CACNA2D2: variants seen among roughly 807,000 people sequenced by gnomAD.
The protein encoded by CACNA2D2 is calcium voltage-gated channel auxiliary subunit alpha2delta 2, also known as voltage-dependent calcium channel subunit alpha-2/delta-2.
A neutral mutation model predicts 166.4 loss-of-function variants in CACNA2D2; 48 were observed. The observed-to-expected ratio is 0.29, with a 90% CI of 0.23 to 0.37. CACNA2D2 has a LOEUF of 0.37. Among genes scored for constraint, CACNA2D2 ranks in the 10% least tolerant of loss-of-function variants. The pLI, the probability that CACNA2D2 is intolerant of heterozygous loss-of-function variation, is 1.00. For missense variants in CACNA2D2, 1,122 were observed against 1,433.0 expected (o/e 0.78, Z 3.50); for synonymous variants, 561 against 573.7 (o/e 0.98, Z 0.32).
chr3:50,373,752 CAG>C (rs1034488172), intron 22 of CACNA2D2, among the ~76,000 whole-genome samples: 2 of 128,962 alleles, frequency 1.6e-5, no homozygotes, highest in Non-Finnish European at 3.3e-5. Flanking sequence ...GAAGAGAGGA[CAG>C]TGCGTAAGGG....
intron 2 of CACNA2D2, among the ~76,000 whole-genome samples, chr3:50,454,435 C>A (rs1248490551): frequency 6.6e-6 from 1 of 152,188 alleles, no homozygotes; most frequent in Non-Finnish European, 1.5e-5. Context: ...CCACCCCCAA[C>A]CTGGCCTCCA....
At chr3:50,384,844 C>G (rs985975454) in intron 5 of CACNA2D2, among the ~76,000 whole-genome samples, 1 of 152,232 alleles carries the variant, frequency 6.6e-6, no homozygotes, top group African/African-American at 2.4e-5. Flanking sequence ...CTAGCCCCAT[C>G]TAAGGCAGGG....
chr3:50,381,257 A>G, intron 6 of CACNA2D2, 131 bp from the exon 7 acceptor site: 2 of 1,051,572 alleles, frequency 1.9e-6, no homozygotes, highest in South Asian at 1.5e-5. Context: ...GGCCCTCCCT[A>G]TTTCCTAGGG....
chr3:50,371,299 T>C (rs1293879691), intron 22 of CACNA2D2, among the ~76,000 whole-genome samples: 1 of 152,136 alleles, frequency 6.6e-6, no homozygotes, highest in African/African-American at 2.4e-5. Flanking sequence ...CAGTTGGGCC[T>C]GTGCCCTGGG....
At chr3:50,385,287 C>T (rs2236952) in intron 5 of CACNA2D2, among the ~76,000 whole-genome samples, 4 of 152,004 alleles carry the variant, frequency 2.6e-5, no homozygotes, top group Admixed American at 6.5e-5. Flanking sequence ...GAGCAAAGCT[C>T]GGGGGCTTCC....
rs150158270 is a variant in CACNA2D2 at position 50,410,045 on chromosome 3, G to A, written c.406-15877C>T. On this transcript the variant is annotated intron_variant, in intron 3 of 37. Coordinates refer to ENST00000424201, the MANE Select transcript of CACNA2D2 (RefSeq NM_006030.4). Reference sequence around the variant, plus strand: ...TATACACTCCCCAAGGCCACCCAGCGAGCTCTGGCCCCCAAGAACCCTCTT... The same window carrying A: ...TATACACTCCCCAAGGCCACCCAGCAAGCTCTGGCCCCCAAGAACCCTCTT... Among the ~76,000 whole-genome samples the A allele has an allele frequency of 5.5e-3, 840 of 152,284 alleles. 9 individuals are homozygous for A. The highest frequency in any genetic ancestry group is 0.041 in the South Asian group (196 of 4,818).
At chr3:50,429,863 A>AC (rs953093311) in intron 3 of CACNA2D2, among the ~76,000 whole-genome samples, 38 of 151,710 alleles carry the variant, frequency 2.5e-4, no homozygotes, top group African/African-American at 8.2e-4. Context: ...ACCCCTGCTG[A>AC]CCCCCCGAGA....
chr3:50,472,738 A>G (rs891435905), intron 2 of CACNA2D2, among the ~76,000 whole-genome samples: 1 of 152,058 alleles, frequency 6.6e-6, no homozygotes, highest in African/African-American at 2.4e-5. Flanking sequence ...CAGAGAGGGG[A>G]GACCTGTCCC....
chr3:50,381,274 T>TGG, intron 6 of CACNA2D2, 148 bp from the exon 7 acceptor site: 1 of 860,550 alleles, frequency 1.2e-6, no homozygotes, highest in Non-Finnish European at 1.8e-6. Context: ...AGGGCCCAGC[T>TGG]GGGGCTGCCC....
chr3:50,468,003 G>A (rs1042517495), intron 2 of CACNA2D2, among the ~76,000 whole-genome samples: 2 of 152,156 alleles, frequency 1.3e-5, no homozygotes, highest in Non-Finnish European at 2.9e-5. Flanking sequence ...CTCTGCCTCC[G>A]CCAAGTGCTT....
In CACNA2D2 at chr3:50,365,067, C is replaced by G; in HGVS notation, c.3208+8G>C. On this transcript the variant is annotated splice_region_variant and intron_variant, in intron 36 of 37. Transcript: ENST00000424201. This position sits in a 1 kb window ranked among gnomAD's most constrained non-coding sequence, Gnocchi z 4.5. ...GAGCGGGCGGCGGGGAGGGCGGGGGCAGGATACAGTGCGTCTCCTTCTGCA... is the reference window on the plus strand; with the variant it reads ...GAGCGGGCGGCGGGGAGGGCGGGGGGAGGATACAGTGCGTCTCCTTCTGCA... 1 of 1,607,124 alleles carries G rather than the reference C, an allele frequency of 6.2e-7. No individual in the cohort carries two copies. The highest frequency in any genetic ancestry group is 8.5e-7 in the Non-Finnish European group (1 of 1,176,898).
At chr3:50,465,626 G>C (rs965702432) in intron 2 of CACNA2D2, among the ~76,000 whole-genome samples, 3 of 152,232 alleles carry the variant, frequency 2.0e-5, no homozygotes, top group Admixed American at 2.0e-4. Flanking sequence ...CTGATGGGGA[G>C]GCGCACAGGG....
chr3:50,439,041 C>T (rs1441058324), intron 2 of CACNA2D2, among the ~76,000 whole-genome samples: 6 of 152,222 alleles, frequency 3.9e-5, no homozygotes, highest in Non-Finnish European at 2.9e-5. Flanking sequence ...GAGGTTAAGG[C>T]GCATGCAAAA....
intron 3 of CACNA2D2, among the ~76,000 whole-genome samples, chr3:50,413,837 A>T (rs1707144110): frequency 6.6e-6 from 1 of 151,592 alleles, no homozygotes; most frequent in Non-Finnish European, 1.5e-5. Context: ...ACAGATTGAG[A>T]CTCCGTCTCA....
At chr3:50,383,916 G>T (rs1025048160) in intron 6 of CACNA2D2, among the ~76,000 whole-genome samples, 2 of 152,224 alleles carry the variant, frequency 1.3e-5, no homozygotes, top group Non-Finnish European at 2.9e-5. Flanking sequence ...GCGTGCATTT[G>T]TGTGGGTGCC....
intron 2 of CACNA2D2, among the ~76,000 whole-genome samples, chr3:50,471,160 G>A (rs1710078842): frequency 1.3e-5 from 2 of 152,074 alleles, no homozygotes; most frequent in Non-Finnish European, 1.5e-5. Context: ...TGGGTAGAGG[G>A]GTGGAGGCTG....
At chr3:50,438,028 G>A (rs1171032273) in intron 2 of CACNA2D2, among the ~76,000 whole-genome samples, 1 of 152,248 alleles carries the variant, frequency 6.6e-6, no homozygotes. Context: ...TGTGCCAGCA[G>A]TGATAGGGAG....
rs749503806 is a variant in CACNA2D2 at position 50,380,715 on chromosome 3, G to C, written c.842+33C>G. ...GCAGGAAAGGTGGGGAACTGAGGGG[G>C]TGTCCCTCCCCAGCCCCTTCTTGCT... On this transcript the variant is annotated intron_variant, in intron 8 of 37. Transcript: ENST00000424201. The surrounding 1 kb of genome is among the most constrained non-coding windows in gnomAD (Gnocchi z 4.9). The C allele has an allele frequency of 1.4e-6, 2 of 1,466,068 alleles. No individual in the cohort carries two copies. Among genetic ancestry groups the C allele is most frequent in the Non-Finnish European group, 1.8e-6 (2 of 1,101,274 alleles). 90.8% of individuals were successfully genotyped at this position (1,466,068 alleles called of 1,614,324 possible). A position where few individuals can be genotyped will look rare whatever the true frequency, so the allele number is the denominator to read the frequency against.
At chr3:50,502,466 G>A (rs1022752978) in intron 1 of CACNA2D2, among the ~76,000 whole-genome samples, 10 of 152,234 alleles carry the variant, frequency 6.6e-5, no homozygotes, top group Non-Finnish European at 1.0e-4. Flanking sequence ...TCTTGGGGAG[G>A]AGGAGAAGGC....
Sources: allele counts gnomAD v4.1 joint callset (sites outside exome capture counted in the v4.1 genomes callset), GRCh38; gene constraint gnomAD v4.1.1; non-coding constraint Gnocchi (gnomAD v3.1); transcripts MANE v1.5; gene names NCBI Gene and HGNC (gene_info 2026-07-23, HGNC 2026-07-21).